The following FGGY variants were observed in gnomAD, a reference collection of about 807,000 sequenced individuals.
FGGY encodes the protein FGGY carbohydrate kinase domain containing.
A neutral mutation model predicts 71.3 loss-of-function variants in FGGY; 72 were observed. The ratio of observed to expected loss-of-function variants is 1.01; its 90% CI spans 0.84 to 1.23. FGGY has a LOEUF of 1.23. FGGY is among the 50% of genes most tolerant of loss of function. FGGY has a pLI of 0.00. For missense variants in FGGY, 668 were observed against 682.3 expected, an observed-to-expected ratio of 0.98 and a Z score of 0.23; for synonymous variants, 251 against 250.3, an observed-to-expected ratio of 1.00 and a Z score of -0.02.
intron 14 of FGGY, among the ~76,000 whole-genome samples, chr1:59,717,508 G>A (rs1356076746): frequency 6.6e-6 from 1 of 152,100 alleles, no homozygotes; most frequent in East Asian, 1.9e-4. Flanking sequence ...CAGGAAGGAG[G>A]AAATCGTGTG....
intron 8 of FGGY, among the ~76,000 whole-genome samples, chr1:59,566,905 G>A (rs2095881741): frequency 6.6e-6 from 1 of 152,120 alleles, no homozygotes; most frequent in Non-Finnish European, 1.5e-5. Context: ...GTTACATTAT[G>A]GGATGATACT....
At chr1:59,753,212 A>C (rs1295279377) in intron 14 of FGGY, among the ~76,000 whole-genome samples, 1 of 152,114 alleles carries the variant, frequency 6.6e-6, no homozygotes, top group African/African-American at 2.4e-5. Flanking sequence ...AGCATGTGTC[A>C]GCATTTCCAT....
At position 59,565,362 on chromosome 1, in the gene FGGY, G is replaced by T. The variant is rs191307934; in HGVS notation, c.903+11135G>T. Among the ~76,000 whole-genome samples the T allele has an allele frequency of 1.0e-3, 159 of 152,190 alleles. 2 individuals are homozygous for T. Among genetic ancestry groups the T allele is most frequent in the African/African-American group, 3.7e-3 (152 of 41,532 alleles). On this transcript the variant is annotated intron_variant, in intron 8 of 15. Transcript: ENST00000303721. The stretch of plus-strand genomic sequence containing the variant: ...TGCAGGTGCGCCATCTCGGCTCACT[G>T]CAAGCTCTGCCTCCCGGGTTCACGC...
chr1:59,630,315 T>A (rs915069190), intron 10 of FGGY, among the ~76,000 whole-genome samples: 1 of 152,112 alleles, frequency 6.6e-6, no homozygotes, highest in Admixed American at 6.5e-5. Flanking sequence ...TTACTACTAA[T>A]GATTGTAAGA....
intron 5 of FGGY, among the ~76,000 whole-genome samples, chr1:59,386,015 T>C (rs987313668): frequency 6.6e-6 from 1 of 152,134 alleles, no homozygotes; most frequent in Non-Finnish European, 1.5e-5. Flanking sequence ...TGAACAAAAT[T>C]TTAATTTTAA....
Position 59,512,330 on chromosome 1 carries a change from TG to T in FGGY, c.692del (p.Gly231GlufsTer36), listed in dbSNP as rs757738438. On this transcript the variant is annotated frameshift_variant, in exon 7 of 16. Transcript: ENST00000303721. LOFTEE classifies it high-confidence loss of function. ...SKIGNQVLPP[G>X]ASLGNGLTPE... is the part of the protein sequence containing the mutation. The stretch of plus-strand genomic sequence containing the variant: ...ACCCAGGAAACCAAGTGCTACCTCC[TG>T]GAGCTTCTCTTGGAAATGGGCTCAC... 6.2e-7 allele frequency: 1 copy of T among 1,611,876 alleles called. No homozygotes were observed. The highest frequency in any genetic ancestry group is 8.5e-7 in the Non-Finnish European group (1 of 1,178,722).
chr1:59,508,008 T>G (rs1328022964), intron 6 of FGGY, among the ~76,000 whole-genome samples: 2 of 152,150 alleles, frequency 1.3e-5, no homozygotes, highest in African/African-American at 4.8e-5. Context: ...AAACACACCA[T>G]GCCCCTCAGG....
At chr1:59,451,482 A>G (rs912424631) in intron 5 of FGGY, among the ~76,000 whole-genome samples, 1 of 151,692 alleles carries the variant, frequency 6.6e-6, no homozygotes, top group African/African-American at 2.4e-5. Flanking sequence ...CAATACGTAT[A>G]TGCATATATT....
At chr1:59,400,561 T>C (rs1571641256) in intron 5 of FGGY, among the ~76,000 whole-genome samples, 1 of 151,658 alleles carries the variant, frequency 6.6e-6, no homozygotes, top group African/African-American at 2.4e-5. Context: ...TTTTTTTGTA[T>C]TCTGTATTTT....
chr1:59,511,054 T>C (rs2094506110), intron 6 of FGGY, among the ~76,000 whole-genome samples: 1 of 152,224 alleles, frequency 6.6e-6, no homozygotes, highest in Non-Finnish European at 1.5e-5. Context: ...GGCTGCCATA[T>C]TGGACAGCAG....
intron 1 of FGGY, among the ~76,000 whole-genome samples, chr1:59,312,329 G>A (rs745647194): frequency 1.3e-5 from 2 of 152,074 alleles, no homozygotes; most frequent in Non-Finnish European, 2.9e-5. Flanking sequence ...ATATGGCTTT[G>A]TCCCTCTAAG....
chr1:59,467,611 A>G (rs1301308680), intron 6 of FGGY, among the ~76,000 whole-genome samples: 4 of 151,976 alleles, frequency 2.6e-5, no homozygotes, highest in African/African-American at 7.2e-5. Context: ...TTTATTATAG[A>G]GTTACTACAA....
intron 10 of FGGY, among the ~76,000 whole-genome samples, chr1:59,627,734 G>A: frequency 6.6e-6 from 1 of 151,880 alleles, no homozygotes; most frequent in Non-Finnish European, 1.5e-5. Context: ...CGCTGCGGCA[G>A]TAAAATTATG....
chr1:59,457,624 A>G lies in FGGY; in HGVS notation c.670+548A>G, dbSNP rs192742371. Among the ~76,000 whole-genome samples the G allele has an allele frequency of 4.3e-3, 615 of 142,320 alleles. 1 individual carries two copies. Among genetic ancestry groups the G allele is most frequent in the African/African-American group, 1.0e-2 (328 of 32,826 alleles). The allele number at this position is 142,320 out of a possible 152,430, so 93.4% of individuals were successfully genotyped here. On this transcript the variant is annotated intron_variant, in intron 6 of 15. Transcript: ENST00000303721. The stretch of plus-strand genomic sequence containing the variant: ...AGAGCAGAACTCTGTTTTGAGGGGG[A>G]AAAAAAAATGGGCTAGACTGAGGAA...
rs71046339 is a variant in FGGY at position 59,721,337 on chromosome 1, G to GTTTTTT, written c.1513-36580_1513-36575dup. 2.1e-3 allele frequency among the ~76,000 whole-genome samples: 220 copies of GTTTTTT among 105,342 alleles called. 12 individuals carry two copies. The highest frequency in any genetic ancestry group is 5.3e-3 in the South Asian group (17 of 3,180). The allele number at this position is 105,342 out of a possible 152,430, so 69.1% of individuals were successfully genotyped here. ...AGAGAGTTTTTCTTTTCTTTCCTTT[G>GTTTTTT]TTTTTTTTTTTTTTTTTTTGAGACG... On this transcript the variant is annotated intron_variant, in intron 14 of 15. Transcript: ENST00000303721.
intron 7 of FGGY, among the ~76,000 whole-genome samples, chr1:59,529,368 G>A (rs1357502169): frequency 6.6e-6 from 1 of 152,144 alleles, no homozygotes; most frequent in Non-Finnish European, 1.5e-5. Flanking sequence ...CTTGCTCAAG[G>A]TCACACAGCT....
intron 8 of FGGY, among the ~76,000 whole-genome samples, chr1:59,591,861 T>C (rs2153791916): frequency 6.6e-6 from 1 of 152,286 alleles, no homozygotes; most frequent in Non-Finnish European, 1.5e-5. Flanking sequence ...GGCATTACCA[T>C]TCAGGACATA....
intron 5 of FGGY, among the ~76,000 whole-genome samples, chr1:59,437,296 A>C (rs1211274791): frequency 1.3e-5 from 2 of 152,226 alleles, no homozygotes; most frequent in African/African-American, 4.8e-5. Flanking sequence ...ACCAGAATAT[A>C]AAAAGTGTGA....
chr1:59,432,893 G>A (rs77592977), intron 5 of FGGY, among the ~76,000 whole-genome samples: 1 of 152,206 alleles, frequency 6.6e-6, no homozygotes, highest in Non-Finnish European at 1.5e-5. Context: ...CTATCGTTCT[G>A]ACTGGGAGCT....
Sources: gnomAD v4.1 joint callset for allele counts (sites outside exome capture counted in the v4.1 genomes callset) on GRCh38, gnomAD v4.1.1 for gene constraint, MANE v1.5 for transcripts, NCBI Gene and HGNC (gene_info 2026-07-23, HGNC 2026-07-21) for gene names.